The following DZIP1 variants were observed in gnomAD, a reference collection of about 807,000 sequenced individuals.
DZIP1 encodes the protein DAZ interacting zinc finger protein 1, also known as cilium assembly protein DZIP1.
DZIP1 carries 97 observed loss-of-function variants against 107.6 expected under a neutral mutation model. The observed-to-expected ratio is 0.90, with a 90% CI of 0.77 to 1.07. The LOEUF (loss-of-function observed/expected upper bound fraction) is 1.07, where lower values mean the gene tolerates loss of function less well. Among genes scored for constraint, DZIP1 ranks in the 50% least tolerant of loss-of-function variants. The probability of loss-of-function intolerance (pLI) is 0.00; values close to 1 mark genes in which losing one functional copy is unlikely to be tolerated. For missense variants in DZIP1, 1,035 were observed against 1,063.6 expected (o/e 0.97, Z 0.37); for synonymous variants, 390 against 386.4 (o/e 1.01, Z -0.11).
chr13:95,611,565 G>A (rs2139121638), intron 11 of DZIP1, 72 bp from the exon 12 acceptor site: 1 of 1,208,030 alleles, frequency 8.3e-7, no homozygotes, highest in South Asian at 1.3e-5. Flanking sequence ...ATAATGGACA[G>A]ATAATGTTGT....
chr13:95,587,701 G>A lies in DZIP1; in HGVS notation c.2056C>T (p.Gln686Ter). 6.2e-7 allele frequency: 1 copy of A among 1,614,058 alleles called. No homozygotes were observed. Among genetic ancestry groups the A allele is most frequent in the Non-Finnish European group, 8.5e-7 (1 of 1,179,998 alleles). ...TTPPFSSEEE[Q>*]EDDDLIRAYA... The stretch of plus-strand genomic sequence containing the variant: ...GCCCGGATGAGGTCGTCGTCCTCCT[G>A]CTCCTCCTCTGAACTAAAAGGAGGG... The change falls in exon 20 of 23, where the codon CAG becomes TAG. Residue 686 changes from glutamine (Q) to a stop codon, truncating the protein, a stop_gained. Coordinates refer to ENST00000376829, the MANE Select transcript of DZIP1 (RefSeq NM_198968.4). LOFTEE classifies it high-confidence loss of function.
In DZIP1 at chr13:95,581,409, A is replaced by G. The variant is rs559918594; in HGVS notation, c.*825T>C. 6.6e-6 allele frequency: 1 copy of G among 152,648 alleles called. No homozygotes were observed. Among genetic ancestry groups the G allele is most frequent in the African/African-American group, 2.4e-5 (1 of 41,458 alleles). 9.5% of individuals were successfully genotyped at this position (152,648 alleles called of 1,614,324 possible). A position where few individuals can be genotyped will look rare whatever the true frequency, so the allele number is the denominator to read the frequency against. ...ATTTTCTATTTAGTCTGATAAATTA[A>G]TTGGCACTTAAAATAACTATACTTT... is the stretch of plus-strand genomic sequence containing the variant. On this transcript the variant is annotated 3_prime_UTR_variant, in exon 23 of 23. Coordinates refer to ENST00000376829, the MANE Select transcript of DZIP1 (RefSeq NM_198968.4).
chr13:95,604,462 A>C (rs1192473446), intron 14 of DZIP1, among the ~76,000 whole-genome samples: 1 of 152,202 alleles, frequency 6.6e-6, no homozygotes, highest in Non-Finnish European at 1.5e-5. Context: ...CAAGGGCTGT[A>C]GGCCCTGTGC....
chr13:95,611,959 C>G, intron 11 of DZIP1, 78 bp downstream of exon 11: 2 of 1,535,120 alleles, frequency 1.3e-6, no homozygotes, highest in South Asian at 2.6e-5. Context: ...CTTACAAATG[C>G]TCTAAAGTAA....
At chr13:95,625,805 T>G (rs1359284751) in intron 7 of DZIP1, among the ~76,000 whole-genome samples, 1 of 151,872 alleles carries the variant, frequency 6.6e-6, no homozygotes, top group African/African-American at 2.4e-5. Context: ...AGAAATAAAT[T>G]TACAGCTGTA....
chr13:95,624,712 T>C (rs1876325056), intron 8 of DZIP1, 56 bp downstream of exon 8: 2 of 1,501,038 alleles, frequency 1.3e-6, no homozygotes, highest in Non-Finnish European at 1.8e-6. Flanking sequence ...AATGCCATCC[T>C]AACACCACCT....
At position 95,589,864 on chromosome 13, in the gene DZIP1, A is replaced by G. The variant is rs2044264369; in HGVS notation, c.1912T>C (p.Ser638Pro). Reference protein sequence around the residue: ...GEVPKMIQLPSKNRQLIRQKA... With the variant: ...GEVPKMIQLPPKNRQLIRQKA... ...TGTCTAATCAGTTGTCTGTTTTTGGAAGGAAGTTGTATCATTTTGGGTACT... is the reference window on the plus strand; with the variant it reads ...TGTCTAATCAGTTGTCTGTTTTTGGGAGGAAGTTGTATCATTTTGGGTACT... The change falls in exon 18 of 23, where the codon TCC (serine) becomes CCC (proline). Residue 638 changes from serine (S) to proline (P), a missense_variant. Transcript: ENST00000376829. The G allele has an allele frequency of 8.7e-6, 14 of 1,614,192 alleles. No homozygotes were observed. Among genetic ancestry groups the G allele is most frequent in the Non-Finnish European group, 1.2e-5 (14 of 1,180,024 alleles).
intron 5 of DZIP1, among the ~76,000 whole-genome samples, chr13:95,639,326 C>T (rs1023082530): frequency 2.0e-5 from 3 of 152,070 alleles, no homozygotes; most frequent in African/African-American, 7.2e-5. Context: ...TGTGGTGGCT[C>T]ACGTCTGTAA....
chr13:95,582,129 G>A lies in DZIP1; in HGVS notation c.*105C>T. On this transcript the variant is annotated 3_prime_UTR_variant, in exon 23 of 23. Coordinates refer to ENST00000376829, the MANE Select transcript of DZIP1 (RefSeq NM_198968.4). ...TTGAATCAGTCTCTGTGTTGCTGTGGGAAACACGGTAAGGCAGAAGCACTA... is the reference window on the plus strand; with the variant it reads ...TTGAATCAGTCTCTGTGTTGCTGTGAGAAACACGGTAAGGCAGAAGCACTA... The A allele has an allele frequency of 9.4e-7, 1 of 1,061,802 alleles. No individual in the cohort carries two copies. Among genetic ancestry groups the A allele is most frequent in the Non-Finnish European group, 1.4e-6 (1 of 689,980 alleles). 65.8% of individuals were successfully genotyped at this position (1,061,802 alleles called of 1,614,324 possible).
Position 95,633,588 on chromosome 13 carries a change from A to G in DZIP1, c.598-267T>C, listed in dbSNP as rs1049888819. On this transcript the variant is annotated intron_variant, in intron 5 of 22. Transcript: ENST00000376829. Reference sequence around the variant, plus strand: ...CAGCTACTAGGGAGACTGAGGGAAGAGAATCACTTGAACCCAGGAAGCAGA... The same window carrying G: ...CAGCTACTAGGGAGACTGAGGGAAGGGAATCACTTGAACCCAGGAAGCAGA... 3.3e-5 allele frequency among the ~76,000 whole-genome samples: 5 copies of G among 151,564 alleles called. No individual in the cohort carries two copies. In the East Asian group the frequency reaches 9.8e-4, roughly 30 times the overall value.
rs1292098812 is a variant in DZIP1, at chr13:95,612,086, C to A, written c.1265G>T (p.Gly422Val). The A allele has an allele frequency of 6.2e-7, 1 of 1,613,650 alleles. No homozygotes were observed. The highest frequency in any genetic ancestry group is 1.3e-5 in the African/African-American group (1 of 74,898). The change falls in exon 11 of 23, where the codon GGG becomes GTG. Residue 422 changes from glycine to valine, a missense_variant. By Grantham distance (109) the Gly-to-Val change is moderately radical. Transcript: ENST00000376829. ...VFYKKRIEEL[G>V]QRLQEQNELI... The stretch of plus-strand genomic sequence containing the variant: ...CTCATTCTGCTCCTGGAGTCTCTGC[C>A]CTAGCTCTTCTATCCTTTTCTTATA...
chr13:95,635,729 G>A (rs1007502395), intron 5 of DZIP1, among the ~76,000 whole-genome samples: 2 of 152,182 alleles, frequency 1.3e-5, no homozygotes, highest in African/African-American at 4.8e-5. Flanking sequence ...CATGTTGCCA[G>A]AAGGTGTTCT....
intron 13 of DZIP1, among the ~76,000 whole-genome samples, chr13:95,608,009 C>G (rs1157492772): frequency 6.6e-6 from 1 of 152,150 alleles, no homozygotes; most frequent in Non-Finnish European, 1.5e-5. Flanking sequence ...TGATCTTAAA[C>G]TTTAGAATGT....
At chr13:95,622,603 G>C (rs915312632) in intron 8 of DZIP1, 123 bp from the exon 9 acceptor site, 4 of 1,009,924 alleles carry the variant, frequency 4.0e-6, no homozygotes, top group Non-Finnish European at 5.9e-6. Flanking sequence ...GCTCCTGGAC[G>C]CTCTTGGACG....
intron 9 of DZIP1, among the ~76,000 whole-genome samples, chr13:95,621,144 T>A (rs1296821660): frequency 8.4e-6 from 1 of 119,500 alleles, no homozygotes; most frequent in African/African-American, 3.2e-5. Context: ...CCTGCCCCCC[T>A]GGCTGAATAC....
intron 5 of DZIP1, among the ~76,000 whole-genome samples, chr13:95,636,708 C>T (rs776741626): frequency 2.0e-5 from 3 of 152,000 alleles, no homozygotes; most frequent in South Asian, 2.1e-4. Context: ...CCAAAGAGTA[C>T]GGAGAACTAA....
intron 5 of DZIP1, among the ~76,000 whole-genome samples, chr13:95,635,805 C>G (rs1368792650): frequency 6.6e-6 from 1 of 152,116 alleles, no homozygotes; most frequent in Admixed American, 6.5e-5. Flanking sequence ...GCCACTCTAT[C>G]AGGGCAAGTA....
intron 5 of DZIP1, among the ~76,000 whole-genome samples, chr13:95,637,628 C>A (rs1466855172): frequency 2.0e-5 from 3 of 151,634 alleles, no homozygotes; most frequent in Non-Finnish European, 4.4e-5. Flanking sequence ...CTCTCTCTCT[C>A]TCTCTCTCTC....
chr13:95,640,241 G>A (rs929044218), intron 5 of DZIP1, among the ~76,000 whole-genome samples: 4 of 151,884 alleles, frequency 2.6e-5, no homozygotes, highest in Admixed American at 6.6e-5. Flanking sequence ...CTCGTGATCC[G>A]CCCGCCTCGG....
Sources: gnomAD v4.1 joint callset for allele counts (sites outside exome capture counted in the v4.1 genomes callset) on GRCh38, gnomAD v4.1.1 for gene constraint, MANE v1.5 for transcripts, NCBI Gene and HGNC (gene_info 2026-07-23, HGNC 2026-07-21) for gene names.